DOCK8: variants seen among roughly 807,000 people sequenced by gnomAD.
DOCK8 encodes dedicator of cytokinesis protein 8.
Under a neutral mutation model 245.6 loss-of-function variants are expected in DOCK8, and 141 were observed. The ratio of observed to expected loss-of-function variants is 0.57; its 90% CI spans 0.50 to 0.66. The LOEUF (loss-of-function observed/expected upper bound fraction) is 0.66. Among genes scored for constraint, DOCK8 ranks in the 30% least tolerant of loss-of-function variants. DOCK8 has a pLI of 0.00. For missense variants in DOCK8, 2,965 were observed against 2,603.4 expected (o/e 1.14, Z -3.02); for synonymous variants, 1,168 against 970.2 (o/e 1.20, Z -3.79).
At chr9:291,080 AGTT>A (rs1295307781) in intron 4 of DOCK8, among the ~76,000 whole-genome samples, 2 of 152,214 alleles carry the variant, frequency 1.3e-5, no homozygotes, top group Non-Finnish European at 1.5e-5. Context: ...TTTCAGAACA[AGTT>A]GTTCTCAAGT....
chr9:422,570 T>C (rs7854107), intron 33 of DOCK8, among the ~76,000 whole-genome samples: 89,103 of 152,142 alleles, frequency 0.59, 27,740 homozygotes, highest in East Asian at 0.95. Flanking sequence ...GAAAACATTC[T>C]AAATGCTCCA....
At chr9:407,732 C>G (rs1335929451) in intron 28 of DOCK8, among the ~76,000 whole-genome samples, 1 of 152,110 alleles carries the variant, frequency 6.6e-6, no homozygotes, top group Non-Finnish European at 1.5e-5. Flanking sequence ...AAAGATAATG[C>G]CTTCTAAAAT....
intron 1 of DOCK8, among the ~76,000 whole-genome samples, chr9:270,131 A>G (rs1280885981): frequency 6.6e-6 from 1 of 152,238 alleles, no homozygotes; most frequent in African/African-American, 2.4e-5. Context: ...CCTCACGGCT[A>G]GTAGAATACT....
At chr9:270,397 T>C (rs954578082) in intron 1 of DOCK8, among the ~76,000 whole-genome samples, 2 of 152,202 alleles carry the variant, frequency 1.3e-5, no homozygotes, top group Admixed American at 6.5e-5. Flanking sequence ...GCCCACTCTT[T>C]TGATTTGTGT....
At chr9:382,963 C>T (rs117877376) in intron 22 of DOCK8, among the ~76,000 whole-genome samples, 13 of 152,046 alleles carry the variant, frequency 8.6e-5, no homozygotes, top group African/African-American at 3.1e-4. Flanking sequence ...AGTCATGTGG[C>T]TAAACCATGC....
intron 39 of DOCK8, among the ~76,000 whole-genome samples, chr9:437,566 T>C (rs1156717392): frequency 6.6e-6 from 1 of 152,222 alleles, no homozygotes; most frequent in Non-Finnish European, 1.5e-5. Flanking sequence ...CCTTACTTTA[T>C]AGAAGGAGGA....
At chr9:231,069 A>G (rs989206372) in intron 1 of DOCK8, among the ~76,000 whole-genome samples, 19 of 152,082 alleles carry the variant, frequency 1.2e-4, no homozygotes, top group Non-Finnish European at 2.2e-4. Flanking sequence ...ATCTTGAATT[A>G]CTTTTTGTAT....
At chr9:287,579 A>C (rs997217849) in intron 3 of DOCK8, among the ~76,000 whole-genome samples, 1 of 152,094 alleles carries the variant, frequency 6.6e-6, no homozygotes, top group Non-Finnish European at 1.5e-5. Flanking sequence ...AGGTTGGATG[A>C]TAATGGGCTG....
intron 5 of DOCK8, among the ~76,000 whole-genome samples, chr9:308,692 C>T (rs1308028254): frequency 6.6e-6 from 1 of 152,192 alleles, no homozygotes; most frequent in Non-Finnish European, 1.5e-5. Flanking sequence ...GAGTCTTGCT[C>T]TGTCGCCTAG....
intron 29 of DOCK8, among the ~76,000 whole-genome samples, chr9:416,734 G>A (rs775377172): frequency 2.0e-5 from 3 of 152,022 alleles, no homozygotes; most frequent in Non-Finnish European, 4.4e-5. Flanking sequence ...CCTTTCCTCT[G>A]TAAACTATAA....
chr9:396,647 C>G (rs993988073), intron 24 of DOCK8, 138 bp from the exon 25 acceptor site: 1 of 1,212,782 alleles, frequency 8.2e-7, no homozygotes, highest in Non-Finnish European at 1.2e-6. Context: ...CCAGAGCTTG[C>G]TCGGGCACCA....
At chr9:265,664 C>T (rs917239768) in intron 1 of DOCK8, among the ~76,000 whole-genome samples, 1 of 152,084 alleles carries the variant, frequency 6.6e-6, no homozygotes, top group Non-Finnish European at 1.5e-5. Flanking sequence ...TTTTGGCTGC[C>T]GGCCATACCA....
intron 1 of DOCK8, among the ~76,000 whole-genome samples, chr9:222,207 G>T (rs2046897908): frequency 6.6e-6 from 1 of 151,838 alleles, no homozygotes; most frequent in Admixed American, 6.6e-5. Flanking sequence ...AGGCTGCAGT[G>T]AGCTATGATT....
chr9:403,880 C>CTG (rs2055235436), intron 26 of DOCK8, among the ~76,000 whole-genome samples: 2 of 90,136 alleles, frequency 2.2e-5, no homozygotes, highest in South Asian at 3.6e-4. Flanking sequence ...CTCTCTCTCT[C>CTG]TCTCTCTCTC....
intron 46 of DOCK8, chr9:456,755 G>A (rs1008293443): frequency 3.9e-5 from 6 of 151,958 alleles, no homozygotes; most frequent in African/African-American, 1.5e-4. Context: ...AGAAGATAGA[G>A]AGATACAATC....
In DOCK8 at chr9:372,504, C is replaced by T. The variant is rs10972809; in HGVS notation, c.2109+218C>T. Among the ~76,000 whole-genome samples, 379 of 152,316 alleles carry T rather than the reference C, an allele frequency of 2.5e-3. 12 individuals are homozygous for T. In the East Asian group the frequency reaches 0.069, roughly 28 times the overall value. On this transcript the variant is annotated intron_variant, in intron 18 of 47. Coordinates refer to ENST00000432829, the MANE Select transcript of DOCK8 (RefSeq NM_203447.4). ...CAGTAGACGCAACCTACACCCAAGG[C>T]AGCATAACCTTGCATTATCTACCAC...
intron 18 of DOCK8, among the ~76,000 whole-genome samples, chr9:373,063 A>C (rs900528232): frequency 1.3e-5 from 2 of 152,198 alleles, no homozygotes; most frequent in African/African-American, 4.8e-5. Context: ...GCTACTCGGG[A>C]GGCTGAGGCA....
Position 255,529 on chromosome 9 carries a change from G to A in DOCK8, c.54-16098G>A, listed in dbSNP as rs997810915. ...CTAAAAATACAAAAATTAGCCAGGC[G>A]TGGTGGCACTTGCCTGTTGTCCCAG... On this transcript the variant is annotated intron_variant, in intron 1 of 47. Coordinates refer to ENST00000432829, the MANE Select transcript of DOCK8 (RefSeq NM_203447.4). Among the ~76,000 whole-genome samples, 10 of 151,976 alleles carry A rather than the reference G, an allele frequency of 6.6e-5. No individual in the cohort carries two copies. The South Asian group carries it at 1.9e-3, about 28-fold the overall frequency.
intron 5 of DOCK8, among the ~76,000 whole-genome samples, chr9:306,953 C>T (rs1451335989): frequency 3.3e-5 from 5 of 152,160 alleles, no homozygotes; most frequent in Middle Eastern, 3.2e-3. Context: ...GGACTCACGC[C>T]TCACAGGAGG....
Sources: allele counts gnomAD v4.1 joint callset (sites outside exome capture counted in the v4.1 genomes callset), GRCh38; gene constraint gnomAD v4.1.1; transcripts MANE v1.5; gene names NCBI Gene and HGNC (gene_info 2026-07-23, HGNC 2026-07-21).